The following HIC1 variants were observed in gnomAD, a reference collection of about 807,000 sequenced individuals.
The protein encoded by HIC1 is hypermethylated in cancer 1 protein.
A neutral mutation model predicts 26.4 loss-of-function variants in HIC1; 9 were observed. The observed-to-expected ratio is 0.34, with a 90% CI of 0.21 to 0.59. The LOEUF (loss-of-function observed/expected upper bound fraction) is 0.59, where lower values mean the gene tolerates loss of function less well. Among genes scored for constraint, HIC1 ranks in the 20% least tolerant of loss-of-function variants. The pLI, the probability that HIC1 is intolerant of heterozygous loss-of-function variation, is 0.82. For synonymous variants in HIC1, 631 were observed against 523.1 expected, an observed-to-expected ratio of 1.21 and a Z score of -2.81; for missense variants, 965 against 1,075.7, an observed-to-expected ratio of 0.90 and a Z score of 1.44.
Position 2,059,018 on chromosome 17 carries a change from G to C in HIC1, c.*183G>C. 1.9e-6 allele frequency: 1 copy of C among 531,930 alleles called. No individual in the cohort carries two copies. The highest frequency in any genetic ancestry group is 3.2e-6 in the Non-Finnish European group (1 of 311,094). The allele number at this position is 531,930 out of a possible 1,614,324, so 33.0% of individuals were successfully genotyped here. ...CTTCGTGCCTTAGCTCGGGGGTCGG[G>C]GGAGAACCCCGGGACGGGGGTGGGA... On this transcript the variant is annotated 3_prime_UTR_variant, in exon 2 of 2. Transcript: ENST00000619757.
At position 2,057,481 on chromosome 17, in the gene HIC1, C is replaced by T; in HGVS notation, c.791C>T (p.Pro264Leu). Residue 264 changes from proline to leucine, a missense_variant, in exon 2 of 2, where the codon CCT becomes CTT. Around this residue, in one of 6 missense-constraint regions of HIC1, gnomAD observed 526 missense variants for 525.0 expected, o/e 1.00. Coordinates refer to ENST00000619757, the MANE Select transcript of HIC1 (RefSeq NM_006497.4). ...SAGPAAYKEP[P>L]LALPSLPPLP... ...GGCCCCGCCGCCTACAAGGAGCCGC[C>T]TCTCGCCCTGCCGTCGCTGCCGCCG... The T allele has an allele frequency of 8.1e-6, 12 of 1,482,750 alleles. No homozygotes were observed. The highest frequency in any genetic ancestry group is 9.8e-6 in the Non-Finnish European group (11 of 1,123,088). 91.8% of individuals were successfully genotyped at this position (1,482,750 alleles called of 1,614,324 possible). A position where few individuals can be genotyped will look rare whatever the true frequency, so the allele number is the denominator to read the frequency against.
At chr17:2,056,085 C>A in intron 1 of HIC1, 1 of 222,398 alleles carries the variant, frequency 4.5e-6, no homozygotes, top group South Asian at 1.8e-4. Flanking sequence ...CGGGCCCGGC[C>A]TTCGCGCTCT....
chr17:2,057,776 T>G lies in HIC1; in HGVS notation c.1086T>G (p.Pro362=). The G allele has an allele frequency of 4.0e-6, 6 of 1,502,788 alleles. No individual in the cohort carries two copies. Among genetic ancestry groups the G allele is most frequent in the Non-Finnish European group, 5.3e-6 (6 of 1,132,020 alleles). The allele number at this position is 1,502,788 out of a possible 1,614,324, so 93.1% of individuals were successfully genotyped here. A position where few individuals can be genotyped will look rare whatever the true frequency, so the allele number is the denominator to read the frequency against. The change falls in exon 2 of 2, where the codon CCT becomes CCG. Residue 362 remains proline, a synonymous_variant. Transcript: ENST00000619757. The stretch of plus-strand genomic sequence containing the variant: ...GCCTGGCGCCGCCGCCGCGCTACCC[T>G]GGCAGCCTGGACGGGCCCGGCGCGG... The part of the protein sequence containing the change: ...PLGLAPPPRY[P]GSLDGPGAGG...
At position 2,055,450 on chromosome 17, in the gene HIC1, G is replaced by A. The variant is rs971938083; in HGVS notation, c.-21+212G>A. 6.6e-5 allele frequency among the ~76,000 whole-genome samples: 10 copies of A among 152,030 alleles called. No homozygotes were observed. Among genetic ancestry groups the A allele is most frequent in the Non-Finnish European group, 1.0e-4 (7 of 67,956 alleles). On this transcript the variant is annotated intron_variant, in intron 1 of 1. Transcript: ENST00000619757. The surrounding 1 kb of genome is among the most constrained non-coding windows in gnomAD (Gnocchi z 6.4). The stretch of plus-strand genomic sequence containing the variant: ...ACGGCGGGGTCAGCGGCCCGGGGCC[G>A]GCTCTGCCCGCACATGGGCTGGAGA...
At position 2,058,716 on chromosome 17, in the gene HIC1, G is replaced by T; in HGVS notation, c.2026G>T (p.Ala676Ser). The T allele has an allele frequency of 6.5e-7, 1 of 1,537,592 alleles. No individual in the cohort carries two copies. The change falls in exon 2 of 2, where the codon GCC becomes TCC. Residue 676 changes from alanine to serine, a missense_variant. This residue lies in a region of HIC1 where 210 missense variants were observed against 179.2 expected (regional missense o/e 1.17). Coordinates refer to ENST00000619757, the MANE Select transcript of HIC1 (RefSeq NM_006497.4). ...GGCGCTGGAGAGCCTCTACCCGCTG[G>T]CCAAGTTCACGGCCGAGCTGGGCCT... ...KVALESLYPLAKFTAELGLSP... is the reference protein window; with the variant it reads ...KVALESLYPLSKFTAELGLSP...
At position 2,063,180 on chromosome 17, in the gene HIC1, G is replaced by A. The variant is rs978446136; in HGVS notation, c.*4345G>A. The A allele has an allele frequency of 3.9e-5, 6 of 152,354 alleles. No individual in the cohort carries two copies. The highest frequency in any genetic ancestry group is 2.6e-4 in the Admixed American group (4 of 15,304). 9.4% of individuals were successfully genotyped at this position (152,354 alleles called of 1,614,324 possible). On this transcript the variant is annotated 3_prime_UTR_variant, in exon 2 of 2. Transcript: ENST00000619757. ...AACCAAGGCCCGACATTGCTGGCAG[G>A]GGTCTGCAGGGGTTTCTGTGGATAC...
chr17:2,056,447 C>G, intron 1 of HIC1: 1 of 1,400,548 alleles, frequency 7.1e-7, no homozygotes, highest in East Asian at 2.3e-5. Flanking sequence ...CCCTGGCCTC[C>G]CCTCCACCGG....
In HIC1 at chr17:2,055,531, C is replaced by T. The variant is rs1478320173; in HGVS notation, c.-21+293C>T. Among the ~76,000 whole-genome samples the T allele has an allele frequency of 2.0e-5, 3 of 151,338 alleles. No homozygotes were observed. Among genetic ancestry groups the T allele is most frequent in the African/African-American group, 7.3e-5 (3 of 41,198 alleles). ...GCGGGCGGGGCTGGCAGGGGCGCTGCCCTGGCACAGCTCGGGGCCTGGCAG... is the reference window on the plus strand; with the variant it reads ...GCGGGCGGGGCTGGCAGGGGCGCTGTCCTGGCACAGCTCGGGGCCTGGCAG... On this transcript the variant is annotated intron_variant, in intron 1 of 1. Transcript: ENST00000619757. This position sits in a 1 kb window ranked among gnomAD's most constrained non-coding sequence, Gnocchi z 6.4.
chr17:2,057,235 C>G lies in HIC1; in HGVS notation c.545C>G (p.Ala182Gly), dbSNP rs1467802380. The G allele has an allele frequency of 3.5e-6, 5 of 1,421,118 alleles. No homozygotes were observed. The highest frequency in any genetic ancestry group is 4.6e-6 in the Non-Finnish European group (5 of 1,091,076). The allele number at this position is 1,421,118 out of a possible 1,614,324, so 88.0% of individuals were successfully genotyped here. Residue 182 changes from alanine (A) to glycine (G), a missense_variant, in exon 2 of 2, where the codon GCG (alanine) becomes GGG (glycine). This residue lies in a region of HIC1 where 526 missense variants were observed against 525.0 expected (regional missense o/e 1.00). Transcript: ENST00000619757. ...SPVGPPPPPA[A>G]EPPSGPEAAV... ...GTCGGGCCTCCGCCGCCGCCTGCCG[C>G]GGAGCCGCCCTCGGGCCCAGAGGCC...
At position 2,062,101 on chromosome 17, in the gene HIC1, C is replaced by T. The variant is rs1171454036; in HGVS notation, c.*3266C>T. The T allele has an allele frequency of 6.4e-6, 1 of 157,026 alleles. No homozygotes were observed. Among genetic ancestry groups the T allele is most frequent in the African/African-American group, 2.4e-5 (1 of 41,442 alleles). The allele number at this position is 157,026 out of a possible 1,614,324, so 9.7% of individuals were successfully genotyped here. On this transcript the variant is annotated 3_prime_UTR_variant, in exon 2 of 2. Transcript: ENST00000619757. ...CTAAAGATGGAACAGAAAATGTATC[C>T]AGGGTTTTCCAGATGTGGGGAGAGG... is the stretch of plus-strand genomic sequence containing the variant.
chr17:2,063,238 T>C lies in HIC1; in HGVS notation c.*4403T>C, dbSNP rs937488890. The C allele has an allele frequency of 7.2e-5, 11 of 152,378 alleles. No homozygotes were observed. In the East Asian group the frequency reaches 9.6e-4, roughly 13 times the overall value. 9.4% of individuals were successfully genotyped at this position (152,378 alleles called of 1,614,324 possible). On this transcript the variant is annotated 3_prime_UTR_variant, in exon 2 of 2. Transcript: ENST00000619757. ...TTTTTCACAATAAACATCCTCTGTT[T>C]TGACACTGGTAACTTCACTTTGTTA...
Position 2,056,696 on chromosome 17 carries a change from G to A in HIC1, c.6G>A (p.Leu2=), listed in dbSNP as rs1156497573. The part of the protein sequence containing the change: M[L]DTMEAPGHSR... The stretch of plus-strand genomic sequence containing the variant: ...GAGAGTGTGCTGGGCAGACGATGCT[G>A]GACACGATGGAGGCGCCCGGCCACT... The change falls in exon 2 of 2, where the codon CTG becomes CTA. Residue 2 remains leucine, a synonymous_variant. Transcript: ENST00000619757. 1.9e-6 allele frequency: 3 copies of A among 1,596,548 alleles called. No individual in the cohort carries two copies. The highest frequency in any genetic ancestry group is 2.2e-5 in the South Asian group (2 of 89,446).
In HIC1 at chr17:2,062,469, T is replaced by G. The variant is rs1010823481; in HGVS notation, c.*3634T>G. ...ATATACTTAAAAGGTCTTGCTATAG[T>G]GGCACAGATATCTTTCATTCTTTTT... On this transcript the variant is annotated 3_prime_UTR_variant, in exon 2 of 2. Transcript: ENST00000619757. 2 of 152,094 alleles carry G rather than the reference T, an allele frequency of 1.3e-5. No individual in the cohort carries two copies. The highest frequency in any genetic ancestry group is 4.8e-5 in the African/African-American group (2 of 41,408). The allele number at this position is 152,094 out of a possible 1,614,324, so 9.4% of individuals were successfully genotyped here.
Position 2,056,874 on chromosome 17 carries a change from C to T in HIC1, c.184C>T (p.Leu62=). The T allele has an allele frequency of 6.2e-7, 1 of 1,612,940 alleles. No homozygotes were observed. Among genetic ancestry groups the T allele is most frequent in the Non-Finnish European group, 8.5e-7 (1 of 1,179,930 alleles). Residue 62 remains leucine (L), a synonymous_variant, in exon 2 of 2, where the codon CTG becomes TTG. Transcript: ENST00000619757. ...CAAGTCCCTGGTGGTGCATGACAAC[C>T]TGCTCAACCTGGACCATGACATGGT... is the stretch of plus-strand genomic sequence containing the variant. The part of the protein sequence containing the change: ...YLKSLVVHDN[L]LNLDHDMVSP...
Position 2,061,773 on chromosome 17 carries a change from C to G in HIC1, c.*2938C>G. Reference sequence around the variant, plus strand: ...ACCAGTCCTTTCCTCCGTCCGGGCTCTCAGCCCCGGGGACCCTCCCCTGCT... The same window carrying G: ...ACCAGTCCTTTCCTCCGTCCGGGCTGTCAGCCCCGGGGACCCTCCCCTGCT... On this transcript the variant is annotated 3_prime_UTR_variant, in exon 2 of 2. Coordinates refer to ENST00000619757, the MANE Select transcript of HIC1 (RefSeq NM_006497.4). 1 of 910,622 alleles carries G rather than the reference C, an allele frequency of 1.1e-6. No individual in the cohort carries two copies. The highest frequency in any genetic ancestry group is 1.6e-6 in the Non-Finnish European group (1 of 609,160). 56.4% of individuals were successfully genotyped at this position (910,622 alleles called of 1,614,324 possible).
At position 2,061,725 on chromosome 17, in the gene HIC1, G is replaced by A. The variant is rs2067786585; in HGVS notation, c.*2890G>A. Reference sequence around the variant, plus strand: ...TGTGGTCCTGGGGAGGGGGTGCCACGCTAGCCGTGTCTTGGCTCTTCTACC... The same window carrying A: ...TGTGGTCCTGGGGAGGGGGTGCCACACTAGCCGTGTCTTGGCTCTTCTACC... On this transcript the variant is annotated 3_prime_UTR_variant, in exon 2 of 2. Transcript: ENST00000619757. 1.1e-5 allele frequency: 15 copies of A among 1,317,014 alleles called. No individual in the cohort carries two copies. Among genetic ancestry groups the A allele is most frequent in the Admixed American group, 2.1e-5 (1 of 48,718 alleles). The allele number at this position is 1,317,014 out of a possible 1,614,324, so 81.6% of individuals were successfully genotyped here. A position where few individuals can be genotyped will look rare whatever the true frequency, so the allele number is the denominator to read the frequency against.
In HIC1 at chr17:2,061,490, C is replaced by T; in HGVS notation, c.*2655C>T. ...CGGGGGGGGGGCCCCAGTGTGGCTC[C>T]CTCAGCCCACCTGGGCCCACGTGAG... On this transcript the variant is annotated 3_prime_UTR_variant, in exon 2 of 2. Coordinates refer to ENST00000619757, the MANE Select transcript of HIC1 (RefSeq NM_006497.4). 1 of 1,570,744 alleles carries T rather than the reference C, an allele frequency of 6.4e-7. No individual in the cohort carries two copies. The highest frequency in any genetic ancestry group is 8.6e-7 in the Non-Finnish European group (1 of 1,159,646).
rs761092700 is a variant in HIC1 at position 2,061,528 on chromosome 17, G to A, written c.*2693G>A. On this transcript the variant is annotated 3_prime_UTR_variant, in exon 2 of 2. Coordinates refer to ENST00000619757, the MANE Select transcript of HIC1 (RefSeq NM_006497.4). The stretch of plus-strand genomic sequence containing the variant: ...GGGCCCACGTGAGGAAGGCTGGGAT[G>A]TCCCGTACAGGAACATTCCTTGTGA... 6.3e-7 allele frequency: 1 copy of A among 1,574,832 alleles called. No homozygotes were observed. The highest frequency in any genetic ancestry group is 1.8e-5 in the Admixed American group (1 of 54,678).
chr17:2,055,811 T>C lies in HIC1; in HGVS notation c.-21+573T>C, dbSNP rs1229508455. Among the ~76,000 whole-genome samples, 1 of 151,552 alleles carries C rather than the reference T, an allele frequency of 6.6e-6. No individual in the cohort carries two copies. Among genetic ancestry groups the C allele is most frequent in the Non-Finnish European group, 1.5e-5 (1 of 67,816 alleles). ...CGCCCTGTCTGCAGTTGGAAAACTTTTCCCCAAGTTTGGGGCGGCGGAGTT... is the reference window on the plus strand; with the variant it reads ...CGCCCTGTCTGCAGTTGGAAAACTTCTCCCCAAGTTTGGGGCGGCGGAGTT... On this transcript the variant is annotated intron_variant, in intron 1 of 1. Transcript: ENST00000619757. The surrounding 1 kb of genome is among the most constrained non-coding windows in gnomAD (Gnocchi z 6.4).
Sources: gnomAD v4.1 joint callset for allele counts (sites outside exome capture counted in the v4.1 genomes callset) on GRCh38, gnomAD v4.1.1 for gene constraint, gnomAD v4.1.1 regional missense constraint, Gnocchi (gnomAD v3.1) non-coding constraint, MANE v1.5 for transcripts, NCBI Gene and HGNC (gene_info 2026-07-23, HGNC 2026-07-21) for gene names.